The following NKAIN3 variants were observed in gnomAD, a reference collection of about 807,000 sequenced individuals.
NKAIN3 encodes sodium/potassium-transporting ATPase subunit beta-1-interacting protein 3.
NKAIN3 carries 25 observed loss-of-function variants against 30.2 expected under a neutral mutation model. The observed-to-expected ratio is 0.83, with a 90% CI of 0.60 to 1.16. NKAIN3 has a LOEUF of 1.16. NKAIN3 is among the 50% of genes most tolerant of loss of function. NKAIN3 has a pLI of 0.00. For missense variants in NKAIN3, 225 were observed against 254.1 expected (o/e 0.89, Z 0.78); for synonymous variants, 91 against 89.6 (o/e 1.02, Z -0.09).
rs1823741900 is a variant in NKAIN3, at chr8:62,967,681, AT to A, written c.*2276del. Among the ~76,000 whole-genome samples the A allele has an allele frequency of 6.6e-6, 1 of 152,202 alleles. No individual in the cohort carries two copies. Among genetic ancestry groups the A allele is most frequent in the Non-Finnish European group, 1.5e-5 (1 of 68,026 alleles). On this transcript the variant is annotated 3_prime_UTR_variant, in exon 7 of 7. Transcript: ENST00000623646. ...ACTAATGCCAATAATTATTGTTAGT[AT>A]TGTTACGATTATTGAAAAAGCTGAT... is the stretch of plus-strand genomic sequence containing the variant.
At chr8:62,803,764 C>T (rs1393740895) in intron 4 of NKAIN3, among the ~76,000 whole-genome samples, 1 of 152,152 alleles carries the variant, frequency 6.6e-6, no homozygotes, top group Non-Finnish European at 1.5e-5. Context: ...TAACTAAAAT[C>T]AGAGCAGAAC....
At chr8:62,805,634 C>T (rs1472006524) in intron 4 of NKAIN3, among the ~76,000 whole-genome samples, 1 of 152,108 alleles carries the variant, frequency 6.6e-6, no homozygotes, top group Non-Finnish European at 1.5e-5. Context: ...TTCCTTACAC[C>T]TTATACAAAA....
intron 6 of NKAIN3, among the ~76,000 whole-genome samples, chr8:62,957,429 C>T (rs372323664): frequency 7.2e-5 from 11 of 152,182 alleles, no homozygotes; most frequent in Admixed American, 1.3e-4. Flanking sequence ...CCACCGCGCC[C>T]GGCCTATAGC....
chr8:62,654,891 T>G (rs1289038134), intron 3 of NKAIN3, among the ~76,000 whole-genome samples: 1 of 152,040 alleles, frequency 6.6e-6, no homozygotes, highest in Non-Finnish European at 1.5e-5. Context: ...GCCATGGGAA[T>G]CCCCATAGTT....
chr8:62,289,707 G>A (rs540313610), intron 1 of NKAIN3, among the ~76,000 whole-genome samples: 1 of 152,130 alleles, frequency 6.6e-6, no homozygotes, highest in African/African-American at 2.4e-5. Flanking sequence ...TTTGGCTTAG[G>A]ATTGTCTTGG....
intron 1 of NKAIN3, among the ~76,000 whole-genome samples, chr8:62,358,722 G>T (rs989370081): frequency 6.6e-6 from 1 of 152,116 alleles, no homozygotes; most frequent in Non-Finnish European, 1.5e-5. Flanking sequence ...AATTGCTTGT[G>T]TAAGTGGCTC....
At chr8:62,687,841 T>C (rs1813845630) in intron 3 of NKAIN3, among the ~76,000 whole-genome samples, 1 of 152,236 alleles carries the variant, frequency 6.6e-6, no homozygotes, top group Non-Finnish European at 1.5e-5. Context: ...GGCTTTTGGA[T>C]TGGAAAGCCA....
At chr8:62,588,706 A>T (rs554889245) in intron 2 of NKAIN3, among the ~76,000 whole-genome samples, 1 of 152,058 alleles carries the variant, frequency 6.6e-6, no homozygotes, top group African/African-American at 2.4e-5. Flanking sequence ...ACAGTATGCA[A>T]TGATTGTAAT....
intron 4 of NKAIN3, among the ~76,000 whole-genome samples, chr8:62,816,094 T>C (rs1818669632): frequency 1.3e-5 from 2 of 152,186 alleles, no homozygotes; most frequent in Non-Finnish European, 2.9e-5. Flanking sequence ...GTTTCCTTGC[T>C]TTTTAATATT....
At chr8:62,881,456 A>G (rs1434618147) in intron 4 of NKAIN3, among the ~76,000 whole-genome samples, 1 of 152,188 alleles carries the variant, frequency 6.6e-6, no homozygotes, top group East Asian at 1.9e-4. Context: ...TTTACTACTC[A>G]ACTCCAAGAT....
Position 62,529,669 on chromosome 8 carries a change from A to C in NKAIN3, c.55-49870A>C, listed in dbSNP as rs1368338593. ...TCAGTGCCATGATCTTGGACAGCTC[A>C]GCCTCCAGAACATGAGAAATAAATA... On this transcript the variant is annotated intron_variant, in intron 1 of 6. Transcript: ENST00000623646. Among the ~76,000 whole-genome samples, 12 of 152,264 alleles carry C rather than the reference A, an allele frequency of 7.9e-5. No individual in the cohort carries two copies. In the East Asian group the frequency reaches 2.3e-3, roughly 30 times the overall value.
intron 6 of NKAIN3, among the ~76,000 whole-genome samples, chr8:62,960,629 A>C (rs1205974885): frequency 6.6e-6 from 1 of 151,914 alleles, no homozygotes; most frequent in Non-Finnish European, 1.5e-5. Context: ...AAATACACAT[A>C]TTTTGCACTT....
chr8:62,500,493 G>GAAGGAAAGAAGA (rs1554540149), intron 1 of NKAIN3, among the ~76,000 whole-genome samples: 2 of 133,884 alleles, frequency 1.5e-5, no homozygotes, highest in African/African-American at 2.8e-5. Flanking sequence ...AAGAAGAAAA[G>GAAGGAAAGAAGA]AAAGAAAGAA....
intron 1 of NKAIN3, among the ~76,000 whole-genome samples, chr8:62,359,134 G>A (rs1193607398): frequency 6.6e-6 from 1 of 152,188 alleles, no homozygotes; most frequent in Non-Finnish European, 1.5e-5. Flanking sequence ...AGTGAGCGGA[G>A]ATGTGCCACT....
intron 3 of NKAIN3, among the ~76,000 whole-genome samples, chr8:62,686,405 C>A (rs1813801822): frequency 6.6e-6 from 1 of 152,068 alleles, no homozygotes; most frequent in Non-Finnish European, 1.5e-5. Context: ...TTGGTGTCTG[C>A]TTCACAAAGG....
At chr8:62,804,651 C>T (rs1259987548) in intron 4 of NKAIN3, among the ~76,000 whole-genome samples, 1 of 152,144 alleles carries the variant, frequency 6.6e-6, no homozygotes, top group East Asian at 1.9e-4. Flanking sequence ...GGATGTACCT[C>T]AAAATAATAA....
At chr8:62,401,790 G>A (rs1301820807) in intron 1 of NKAIN3, among the ~76,000 whole-genome samples, 1 of 152,172 alleles carries the variant, frequency 6.6e-6, no homozygotes, top group Non-Finnish European at 1.5e-5. Flanking sequence ...AATAAACAGA[G>A]TCTTTCTGTC....
At chr8:62,515,302 G>T (rs1170451825) in intron 1 of NKAIN3, among the ~76,000 whole-genome samples, 1 of 151,812 alleles carries the variant, frequency 6.6e-6, no homozygotes, top group Non-Finnish European at 1.5e-5. Flanking sequence ...TATATTTATT[G>T]TGTGCAACAT....
chr8:62,870,493 G>A (rs1820593672), intron 4 of NKAIN3, among the ~76,000 whole-genome samples: 2 of 133,144 alleles, frequency 1.5e-5, no homozygotes, highest in South Asian at 4.6e-4. Flanking sequence ...TGTACAATAA[G>A]TACAATATAT....
Sources: gnomAD v4.1 joint callset for allele counts (sites outside exome capture counted in the v4.1 genomes callset) on GRCh38, gnomAD v4.1.1 for gene constraint, MANE v1.5 for transcripts, NCBI Gene and HGNC (gene_info 2026-07-23, HGNC 2026-07-21) for gene names.